The following DGKI variants were observed in gnomAD, a reference collection of about 807,000 sequenced individuals.
DGKI encodes diacylglycerol kinase iota, also known as DAG kinase iota.
Under a neutral mutation model 147.5 loss-of-function variants are expected in DGKI, and 55 were observed. The ratio of observed to expected loss-of-function variants is 0.37; its 90% CI spans 0.30 to 0.47. DGKI has a LOEUF of 0.47. Ranked by LOEUF, DGKI falls within the 20% of genes least tolerant of loss-of-function variation. The pLI, the probability that DGKI is intolerant of heterozygous loss-of-function variation, is 1.00. For missense variants in DGKI, 1,007 were observed against 1,323.8 expected (o/e 0.76, Z 3.71); for synonymous variants, 469 against 477.1 (o/e 0.98, Z 0.22).
rs375404205 is a variant in DGKI, at chr7:137,438,801, C to T, written c.2761+5276G>A. ...GGCACTCATCCATAAGGATGAATCA[C>T]AAAAATTATTCTTTTGAACAAAAGA... is the stretch of plus-strand genomic sequence containing the variant. On this transcript the variant is annotated intron_variant, in intron 28 of 32. Transcript: ENST00000614521. Among the ~76,000 whole-genome samples the T allele has an allele frequency of 7.9e-5, 12 of 152,034 alleles. No individual in the cohort carries two copies. In the East Asian group the frequency reaches 1.2e-3, roughly 15 times the overall value.
intron 1 of DGKI, among the ~76,000 whole-genome samples, chr7:137,826,985 A>T (rs943388072): frequency 1.3e-5 from 2 of 152,128 alleles, no homozygotes; most frequent in African/African-American, 4.8e-5. Context: ...CTAGAAACTC[A>T]CCCTACTTCC....
chr7:137,775,161 C>A (rs1796327722), intron 1 of DGKI, among the ~76,000 whole-genome samples: 1 of 151,900 alleles, frequency 6.6e-6, no homozygotes, highest in South Asian at 2.1e-4. Context: ...AGGTGTGCTC[C>A]ATGTGGCATT....
intron 1 of DGKI, among the ~76,000 whole-genome samples, chr7:137,787,439 T>C (rs1796708876): frequency 6.6e-6 from 1 of 152,194 alleles, no homozygotes; most frequent in Admixed American, 6.5e-5. Flanking sequence ...CCTGCAAGAA[T>C]GCCCATAAGC....
At chr7:137,696,677 C>T (rs1413794496) in intron 1 of DGKI, among the ~76,000 whole-genome samples, 1 of 151,822 alleles carries the variant, frequency 6.6e-6, no homozygotes, top group African/African-American at 2.4e-5. Context: ...TGACATTCTT[C>T]TCCTTATGGT....
intron 3 of DGKI, among the ~76,000 whole-genome samples, chr7:137,665,083 G>A (rs1410478125): frequency 6.6e-6 from 1 of 152,212 alleles, no homozygotes; most frequent in East Asian, 1.9e-4. Context: ...GCCAGTGTTG[G>A]GGAGTAGAGA....
intron 24 of DGKI, among the ~76,000 whole-genome samples, chr7:137,468,459 C>G (rs953391556): frequency 1.3e-5 from 2 of 152,114 alleles, no homozygotes; most frequent in African/African-American, 4.8e-5. Context: ...TCAGGAATGA[C>G]AAATGATTAT....
intron 17 of DGKI, among the ~76,000 whole-genome samples, chr7:137,574,163 T>C (rs1012919873): frequency 6.6e-6 from 1 of 152,172 alleles, no homozygotes; most frequent in African/African-American, 2.4e-5. Context: ...TCCCAGTCGA[T>C]CTCCATACAG....
chr7:137,742,316 T>C (rs990677335), intron 1 of DGKI, among the ~76,000 whole-genome samples: 1 of 148,020 alleles, frequency 6.8e-6, no homozygotes, highest in Non-Finnish European at 1.5e-5. Flanking sequence ...TCCAAAAGGA[T>C]AAAAAAAAAA....
At chr7:137,776,212 T>A (rs1161864797) in intron 1 of DGKI, among the ~76,000 whole-genome samples, 3 of 152,196 alleles carry the variant, frequency 2.0e-5, no homozygotes, top group African/African-American at 7.2e-5. Flanking sequence ...AATGAGTGAA[T>A]CATTGGAATA....
At chr7:137,413,318 T>C (rs919869085) in intron 28 of DGKI, among the ~76,000 whole-genome samples, 10 of 150,930 alleles carry the variant, frequency 6.6e-5, no homozygotes, top group African/African-American at 2.2e-4. Flanking sequence ...AGGGGATGCA[T>C]GTGCAGGTTT....
chr7:137,553,558 A>T (rs898608863), intron 19 of DGKI, among the ~76,000 whole-genome samples: 1 of 152,178 alleles, frequency 6.6e-6, no homozygotes, highest in African/African-American at 2.4e-5. Flanking sequence ...TTAGTAAAAA[A>T]AAAATGTATT....
At chr7:137,471,637 A>G (rs1372862038) in intron 23 of DGKI, among the ~76,000 whole-genome samples, 1 of 152,118 alleles carries the variant, frequency 6.6e-6, no homozygotes, top group Non-Finnish European at 1.5e-5. Context: ...CTGAGGATGT[A>G]TGTGAAAGAA....
chr7:137,458,418 G>A (rs1814289622), intron 27 of DGKI, among the ~76,000 whole-genome samples: 1 of 152,138 alleles, frequency 6.6e-6, no homozygotes, highest in Admixed American at 6.5e-5. Context: ...TTGTGTGACA[G>A]TCCATTTTAG....
At chr7:137,453,474 T>C (rs1424430593) in intron 27 of DGKI, among the ~76,000 whole-genome samples, 3 of 152,222 alleles carry the variant, frequency 2.0e-5, no homozygotes, top group African/African-American at 7.2e-5. Flanking sequence ...TTGTTTGCTT[T>C]TGGTCCTTCT....
intron 1 of DGKI, among the ~76,000 whole-genome samples, chr7:137,742,953 G>C (rs779300543): frequency 1.9e-4 from 29 of 151,908 alleles, no homozygotes; most frequent in Non-Finnish European, 8.8e-5. Flanking sequence ...GTCACAAATA[G>C]AAAACAAAAA....
At chr7:137,790,262 AC>A (rs1796811225) in intron 1 of DGKI, among the ~76,000 whole-genome samples, 2 of 151,862 alleles carry the variant, frequency 1.3e-5, no homozygotes, top group Non-Finnish European at 2.9e-5. Context: ...ACACACACAC[AC>A]ACACACACTG....
chr7:137,533,576 C>T (rs1326697576), intron 20 of DGKI, among the ~76,000 whole-genome samples: 1 of 152,034 alleles, frequency 6.6e-6, no homozygotes, highest in Non-Finnish European at 1.5e-5. Context: ...CTCAAGAAAA[C>T]ATACTTGTTT....
chr7:137,813,119 G>C (rs1439100182), intron 1 of DGKI, among the ~76,000 whole-genome samples: 3 of 152,162 alleles, frequency 2.0e-5, no homozygotes, highest in African/African-American at 7.2e-5. Context: ...CTAAGAGGCA[G>C]GGTCCACCCA....
chr7:137,549,441 C>A (rs140935145), intron 20 of DGKI, among the ~76,000 whole-genome samples: 1 of 152,098 alleles, frequency 6.6e-6, no homozygotes, highest in African/African-American at 2.4e-5. Flanking sequence ...GTGAAAGAAG[C>A]CTAATTTTTA....
Sources: allele counts gnomAD v4.1 joint callset (sites outside exome capture counted in the v4.1 genomes callset), GRCh38; gene constraint gnomAD v4.1.1; transcripts MANE v1.5; gene names NCBI Gene and HGNC (gene_info 2026-07-23, HGNC 2026-07-21).